The following GRIN3A variants were observed in gnomAD, a reference collection of about 807,000 sequenced individuals.
GRIN3A encodes the protein glutamate ionotropic receptor NMDA type subunit 3A.
Under a neutral mutation model 92.4 loss-of-function variants are expected in GRIN3A, and 47 were observed. The observed-to-expected ratio is 0.51, with a 90% CI of 0.40 to 0.65. GRIN3A has a LOEUF of 0.65. Ranked by LOEUF, GRIN3A falls within the 30% of genes least tolerant of loss-of-function variation. GRIN3A has a pLI of 0.00. For missense variants in GRIN3A, 1,324 were observed against 1,393.1 expected, an observed-to-expected ratio of 0.95 and a Z score of 0.79; for synonymous variants, 527 against 540.6, an observed-to-expected ratio of 0.97 and a Z score of 0.35.
chr9:101,625,360 G>T (rs568108141), intron 4 of GRIN3A, among the ~76,000 whole-genome samples: 2 of 152,214 alleles, frequency 1.3e-5, no homozygotes, highest in South Asian at 2.1e-4. Context: ...TCTAAACAGA[G>T]GAGAATATGA....
chr9:101,700,085 T>C (rs573224744), intron 1 of GRIN3A, among the ~76,000 whole-genome samples: 2 of 152,258 alleles, frequency 1.3e-5, no homozygotes, highest in South Asian at 4.2e-4. Context: ...ACTTATTACA[T>C]GTTATAGTCA....
intron 1 of GRIN3A, among the ~76,000 whole-genome samples, chr9:101,729,097 C>T (rs547069549): frequency 6.6e-6 from 1 of 152,242 alleles, no homozygotes; most frequent in South Asian, 2.1e-4. Context: ...CCAAGCTTAA[C>T]CTTTCTCGAC....
Position 101,686,811 on chromosome 9 carries a change from C to G in GRIN3A, c.1089G>C (p.Glu363Asp), listed in dbSNP as rs1433291884. ...RWVLGDSQNV[E>D]ELRTEGLPLG... is the part of the protein sequence containing the mutation. ...AGGGCAGACCCTCTGTCCTCAGTTC[C>G]TCCACATTCTGGGAATCTCCCAGCA... The change falls in exon 2 of 9, where the codon GAG becomes GAC. Residue 363 changes from glutamate (E) to aspartate (D), a missense_variant. Physicochemically the swap from Glu to Asp is conservative, Grantham distance 45. Coordinates refer to ENST00000361820, the MANE Select transcript of GRIN3A (RefSeq NM_133445.3). 1 of 1,614,044 alleles carries G rather than the reference C, an allele frequency of 6.2e-7. No individual in the cohort carries two copies. Among genetic ancestry groups the G allele is most frequent in the Non-Finnish European group, 8.5e-7 (1 of 1,180,028 alleles).
chr9:101,615,077 C>T (rs12003142), intron 5 of GRIN3A, among the ~76,000 whole-genome samples: 18,556 of 151,878 alleles, frequency 0.12, 2,017 homozygotes, highest in African/African-American at 0.3. Flanking sequence ...ACTCTGTATC[C>T]TCACACTGTG....
At chr9:101,681,328 G>A (rs1829463721) in intron 2 of GRIN3A, among the ~76,000 whole-genome samples, 1 of 152,174 alleles carries the variant, frequency 6.6e-6, no homozygotes, top group African/African-American at 2.4e-5. Flanking sequence ...TGGTTAATTT[G>A]TTACAGGATT....
intron 1 of GRIN3A, among the ~76,000 whole-genome samples, chr9:101,736,665 A>G (rs760952909): frequency 4.6e-5 from 7 of 152,286 alleles, no homozygotes; most frequent in East Asian, 3.9e-4. Context: ...ATGCTTTCCA[A>G]TATCCGAGAC....
At position 101,737,909 on chromosome 9, in the gene GRIN3A, A is replaced by T. The variant is rs2119055513; in HGVS notation, c.71T>A (p.Val24Glu). ...CLLLPPPCAL[V>E]LAGVPSSSSH... is the part of the protein sequence containing the mutation. ...GGAGGAGCTGGGCACCCCGGCCAGC[A>T]CCAGTGCGCAGGGCGGCGGCAACAG... Residue 24 changes from valine to glutamate, a missense_variant, in exon 1 of 9, where the codon GTG becomes GAG. Transcript: ENST00000361820. 2 of 1,535,832 alleles carry T rather than the reference A, an allele frequency of 1.3e-6. No individual in the cohort carries two copies. The highest frequency in any genetic ancestry group is 1.4e-5 in the African/African-American group (1 of 73,250).
chr9:101,625,684 G>T (rs1437790074), intron 4 of GRIN3A, among the ~76,000 whole-genome samples: 2 of 152,212 alleles, frequency 1.3e-5, no homozygotes, highest in Non-Finnish European at 2.9e-5. Flanking sequence ...GCTTTAGAAA[G>T]TGTTGGGGAT....
intron 1 of GRIN3A, among the ~76,000 whole-genome samples, chr9:101,729,337 T>C (rs779215679): frequency 1.3e-5 from 2 of 152,172 alleles, no homozygotes; most frequent in Non-Finnish European, 2.9e-5. Flanking sequence ...GTCTGAAATA[T>C]GTTTTGCTGG....
chr9:101,717,681 C>G (rs542565339), intron 1 of GRIN3A, among the ~76,000 whole-genome samples: 1 of 150,358 alleles, frequency 6.7e-6, no homozygotes, highest in Non-Finnish European at 1.5e-5. Context: ...TTTTCATCAA[C>G]TTTGACTTTC....
chr9:101,586,274 T>C (rs1215323492), intron 6 of GRIN3A, among the ~76,000 whole-genome samples: 1 of 152,242 alleles, frequency 6.6e-6, no homozygotes. Flanking sequence ...CAAAGTAGAA[T>C]GTAAGCTACA....
intron 4 of GRIN3A, among the ~76,000 whole-genome samples, chr9:101,624,369 C>T (rs901606097): frequency 1.7e-4 from 23 of 137,834 alleles, no homozygotes; most frequent in Admixed American, 2.2e-4. Flanking sequence ...TGCTATCCTT[C>T]CCCCCTCCCC....
intron 1 of GRIN3A, among the ~76,000 whole-genome samples, chr9:101,734,323 T>C (rs1830174874): frequency 6.6e-6 from 1 of 152,198 alleles, no homozygotes; most frequent in South Asian, 2.1e-4. Flanking sequence ...AAAGAAGTAA[T>C]CATTTTAATA....
rs147890566 is a variant in GRIN3A at position 101,726,291 on chromosome 9, C to G, written c.699+10990G>C. 6.2e-4 allele frequency among the ~76,000 whole-genome samples: 94 copies of G among 152,214 alleles called. 1 individual carries two copies. In the East Asian group the frequency reaches 0.018, roughly 29 times the overall value. ...TCAGGCTAAGTCCTATCATAAGAAC[C>G]ACATCCATGGAGAAGCTATGGCAAG... On this transcript the variant is annotated intron_variant, in intron 1 of 8. Coordinates refer to ENST00000361820, the MANE Select transcript of GRIN3A (RefSeq NM_133445.3).
At chr9:101,610,576 T>TCTATCTAG (rs1828349171) in intron 6 of GRIN3A, among the ~76,000 whole-genome samples, 2 of 82,966 alleles carry the variant, frequency 2.4e-5, no homozygotes, top group African/African-American at 9.4e-5. Context: ...CTTGCATCCA[T>TCTATCTAG]CTATCTATCT....
intron 2 of GRIN3A, among the ~76,000 whole-genome samples, chr9:101,683,662 G>A (rs1293582469): frequency 1.3e-5 from 2 of 151,932 alleles, no homozygotes; most frequent in African/African-American, 2.4e-5. Context: ...AAGTTCTTTG[G>A]GTTCATTTCT....
At chr9:101,723,688 C>T (rs547757539) in intron 1 of GRIN3A, among the ~76,000 whole-genome samples, 83 of 152,168 alleles carry the variant, frequency 5.5e-4, no homozygotes, top group African/African-American at 2.0e-3. Flanking sequence ...CTCCACATCC[C>T]CACCAGATTA....
chr9:101,680,251 T>C (rs1829451602), intron 2 of GRIN3A, among the ~76,000 whole-genome samples: 1 of 152,212 alleles, frequency 6.6e-6, no homozygotes, highest in African/African-American at 2.4e-5. Context: ...CTCAAGTTCT[T>C]CTGGAACTCT....
chr9:101,693,080 G>A (rs1284447213), intron 1 of GRIN3A, among the ~76,000 whole-genome samples: 1 of 151,958 alleles, frequency 6.6e-6, no homozygotes, highest in Non-Finnish European at 1.5e-5. Context: ...GAAAAAGTGA[G>A]TAATTTTCCC....
Sources: allele counts gnomAD v4.1 joint callset (sites outside exome capture counted in the v4.1 genomes callset), GRCh38; gene constraint gnomAD v4.1.1; transcripts MANE v1.5; gene names NCBI Gene and HGNC (gene_info 2026-07-23, HGNC 2026-07-21).